The following XKR6 variants were observed in gnomAD, a reference collection of about 807,000 sequenced individuals.
The protein encoded by XKR6 is XK-related protein 6.
Under a neutral mutation model 56.7 loss-of-function variants are expected in XKR6, and 22 were observed. The observed-to-expected ratio is 0.39, with a 90% CI of 0.28 to 0.55. The LOEUF is 0.55. XKR6 is among the 20% of genes least tolerant of loss of function. The pLI is 0.66. For missense variants in XKR6, 852 were observed against 889.0 expected, an observed-to-expected ratio of 0.96 and a Z score of 0.53; for synonymous variants, 524 against 387.8, an observed-to-expected ratio of 1.35 and a Z score of -4.13.
At chr8:10,923,122 G>T (rs1800770546) in intron 2 of XKR6, among the ~76,000 whole-genome samples, 1 of 152,244 alleles carries the variant, frequency 6.6e-6, no homozygotes, top group Non-Finnish European at 1.5e-5. Flanking sequence ...TGCTTCTGTG[G>T]GTGCCCAGAA....
intron 1 of XKR6, among the ~76,000 whole-genome samples, chr8:11,120,775 G>A (rs1214922314): frequency 6.6e-6 from 1 of 152,166 alleles, no homozygotes; most frequent in Non-Finnish European, 1.5e-5. Flanking sequence ...CACACTACCT[G>A]ACTTCAAACT....
intron 1 of XKR6, among the ~76,000 whole-genome samples, chr8:10,945,103 A>G (rs1003753569): frequency 3.9e-5 from 6 of 152,102 alleles, no homozygotes; most frequent in Non-Finnish European, 7.4e-5. Flanking sequence ...GCTCCACCCC[A>G]CGCCACCCAG....
intron 2 of XKR6, among the ~76,000 whole-genome samples, chr8:10,911,984 A>G (rs1388946279): frequency 6.7e-6 from 1 of 149,996 alleles, no homozygotes; most frequent in Non-Finnish European, 1.5e-5. Context: ...ATGGAGAAAG[A>G]GAGAGAATAT....
At position 11,192,522 on chromosome 8, in the gene XKR6, AG is replaced by A. The variant is rs369337922; in HGVS notation, c.764+8053del. On this transcript the variant is annotated intron_variant, in intron 1 of 2. Transcript: ENST00000416569. ...CCCAGCTACTCAGGAGGCATAGGCA[AG>A]GGAACTGCTTGAGCCTAGAAGTTCA... Among the ~76,000 whole-genome samples, 795 of 152,052 alleles carry A rather than the reference AG, an allele frequency of 5.2e-3. 10 individuals are homozygous for A. The highest frequency in any genetic ancestry group is 0.025 in the South Asian group (122 of 4,800).
chr8:11,012,189 A>G (rs926367809), intron 1 of XKR6, among the ~76,000 whole-genome samples: 1 of 151,856 alleles, frequency 6.6e-6, no homozygotes, highest in Admixed American at 6.6e-5. Context: ...AGGTCACAGG[A>G]CCCCACCCCA....
chr8:11,038,625 A>C (rs1799207682), intron 1 of XKR6, among the ~76,000 whole-genome samples: 1 of 150,718 alleles, frequency 6.6e-6, no homozygotes, highest in Admixed American at 6.7e-5. Flanking sequence ...GCCTCAAACT[A>C]CCAGGCTCAG....
chr8:10,985,457 A>T (rs1000491890), intron 1 of XKR6, among the ~76,000 whole-genome samples: 1 of 152,192 alleles, frequency 6.6e-6, no homozygotes, highest in African/African-American at 2.4e-5. Context: ...TGATAGAATA[A>T]CAATTTAAAT....
intron 1 of XKR6, among the ~76,000 whole-genome samples, chr8:11,156,530 T>G (rs759100455): frequency 6.6e-6 from 1 of 152,210 alleles, no homozygotes; most frequent in Admixed American, 6.5e-5. Flanking sequence ...TGTATCTTAA[T>G]GTTTTTGGAG....
At chr8:11,031,381 A>C (rs948041906) in intron 1 of XKR6, among the ~76,000 whole-genome samples, 1 of 152,184 alleles carries the variant, frequency 6.6e-6, no homozygotes, top group Non-Finnish European at 1.5e-5. Context: ...GTTCTCTTCA[A>C]CTAGAAGGAG....
chr8:11,030,692 C>A (rs974864679), intron 1 of XKR6, among the ~76,000 whole-genome samples: 1 of 152,092 alleles, frequency 6.6e-6, no homozygotes, highest in African/African-American at 2.4e-5. Context: ...GCAGCAGGTT[C>A]CCCTAGGACA....
At chr8:11,022,711 A>G (rs1160648693) in intron 1 of XKR6, among the ~76,000 whole-genome samples, 2 of 152,220 alleles carry the variant, frequency 1.3e-5, no homozygotes, top group Admixed American at 6.5e-5. Context: ...TATCTTGCGC[A>G]AGGCCCTGCA....
intron 1 of XKR6, among the ~76,000 whole-genome samples, chr8:11,094,270 C>A (rs113550073): frequency 2.0e-5 from 3 of 152,112 alleles, no homozygotes; most frequent in African/African-American, 7.2e-5. Flanking sequence ...CTCACTGCAA[C>A]CTCTGTCTCC....
At chr8:11,117,555 G>A (rs956229986) in intron 1 of XKR6, among the ~76,000 whole-genome samples, 3 of 152,118 alleles carry the variant, frequency 2.0e-5, no homozygotes, top group African/African-American at 7.2e-5. Flanking sequence ...ATAACATCCA[G>A]AAATGTCACA....
At chr8:11,059,650 T>G (rs35736964) in intron 1 of XKR6, among the ~76,000 whole-genome samples, 183 of 132,852 alleles carry the variant, frequency 1.4e-3, no homozygotes, top group Non-Finnish European at 1.8e-3. Context: ...GCGGGACAGG[T>G]GCGGGGGGCG....
chr8:11,181,225 C>G lies in XKR6; in HGVS notation c.764+19351G>C, dbSNP rs1468436297. ...TTATACTCAATATTTTCTTCATCAA[C>G]TGAAGAGTGGTGAACGTTTTTCAGT... is the stretch of plus-strand genomic sequence containing the variant. On this transcript the variant is annotated intron_variant, in intron 1 of 2. Transcript: ENST00000416569. Among the ~76,000 whole-genome samples the G allele has an allele frequency of 2.6e-5, 4 of 152,272 alleles. No homozygotes were observed. In the East Asian group the frequency reaches 7.7e-4, roughly 29 times the overall value.
At chr8:11,132,209 G>A (rs544691322) in intron 1 of XKR6, among the ~76,000 whole-genome samples, 1 of 152,078 alleles carries the variant, frequency 6.6e-6, no homozygotes, top group Non-Finnish European at 1.5e-5. Flanking sequence ...GTAATCAGTT[G>A]TCTTTGAGAC....
intron 1 of XKR6, among the ~76,000 whole-genome samples, chr8:11,198,156 C>A (rs946740720): frequency 6.6e-6 from 1 of 152,168 alleles, no homozygotes; most frequent in Non-Finnish European, 1.5e-5. Flanking sequence ...CATTGACAAG[C>A]AATTGTTTGC....
At chr8:10,926,976 G>C (rs576604005) in intron 1 of XKR6, among the ~76,000 whole-genome samples, 2 of 152,354 alleles carry the variant, frequency 1.3e-5, no homozygotes, top group South Asian at 2.1e-4. Context: ...CACACACGGA[G>C]AGACACAGAA....
chr8:11,027,697 T>C (rs1586448848), intron 1 of XKR6, among the ~76,000 whole-genome samples: 1 of 152,228 alleles, frequency 6.6e-6, no homozygotes, highest in Admixed American at 6.5e-5. Context: ...CTACTGGCAG[T>C]GTGGCCTGGG....
Sources: allele counts gnomAD v4.1 joint callset (sites outside exome capture counted in the v4.1 genomes callset), GRCh38; gene constraint gnomAD v4.1.1; transcripts MANE v1.5; gene names NCBI Gene and HGNC (gene_info 2026-07-23, HGNC 2026-07-21).